Variants in SPACA1 observed in about 807,000 individuals in gnomAD.
SPACA1 encodes sperm acrosome membrane-associated protein 1.
Under a neutral mutation model 32.6 loss-of-function variants are expected in SPACA1, and 17 were observed. The observed-to-expected ratio is 0.52, with a 90% CI of 0.36 to 0.78. The LOEUF (loss-of-function observed/expected upper bound fraction) is 0.78, where lower values mean the gene tolerates loss of function less well. Ranked by LOEUF, SPACA1 falls within the 30% of genes least tolerant of loss-of-function variation. The probability of loss-of-function intolerance (pLI) is 0.01; values close to 1 mark genes in which losing one functional copy is unlikely to be tolerated. For missense variants in SPACA1, 363 were observed against 373.4 expected (o/e 0.97, Z 0.23); for synonymous variants, 140 against 138.1 (o/e 1.01, Z -0.10).
chr6:88,059,320 C>G (rs1408572479), intron 4 of SPACA1, 133 bp from the exon 5 acceptor site: 15 of 762,310 alleles, frequency 2.0e-5, no homozygotes, highest in Non-Finnish European at 2.8e-5. Flanking sequence ...GACTGAAAAT[C>G]CATGTAGATC....
intron 1 of SPACA1, among the ~76,000 whole-genome samples, chr6:88,051,876 C>T (rs1775732629): frequency 6.6e-6 from 1 of 152,240 alleles, no homozygotes; most frequent in Non-Finnish European, 1.5e-5. Context: ...ATAACAGCAT[C>T]TTTTTCCAGG....
In SPACA1 at chr6:88,059,500, G is replaced by A; in HGVS notation, c.522G>A (p.Lys174=). 1 of 1,612,822 alleles carries A rather than the reference G, an allele frequency of 6.2e-7. No individual in the cohort carries two copies. Among genetic ancestry groups the A allele is most frequent in the Non-Finnish European group, 8.5e-7 (1 of 1,179,438 alleles). ...VNDSAILEVR[K]ESHPLAFECD... is the part of the protein sequence containing the mutation. The stretch of plus-strand genomic sequence containing the variant: ...ATTCAGCAATCCTAGAAGTACGCAA[G>A]GAAAGTCACCCCTTGGCTTTCGAGT... Residue 174 remains lysine (K), a synonymous_variant, in exon 5 of 7, where the codon AAG becomes AAA. Coordinates refer to ENST00000237201, the MANE Select transcript of SPACA1 (RefSeq NM_030960.3).
At chr6:88,053,833 A>G in intron 1 of SPACA1, 113 bp from the exon 2 acceptor site, 1 of 783,218 alleles carries the variant, frequency 1.3e-6, no homozygotes, top group Non-Finnish European at 2.0e-6. Context: ...GGAAAACTTA[A>G]AAAATGTCTG....
rs1233073274 is a variant in SPACA1, at chr6:88,059,447, A to T, written c.475-6A>T. 3.8e-6 allele frequency: 6 copies of T among 1,586,658 alleles called. No individual in the cohort carries two copies. The Admixed American group carries it at 5.6e-5, about 15-fold the overall frequency. The stretch of plus-strand genomic sequence containing the variant: ...GATACTTTGTTATTTTTTTCTTTTT[A>T]AATAGCAATCCATTATACTTGTAAA... On this transcript the variant is annotated splice_polypyrimidine_tract_variant and splice_region_variant and intron_variant, in intron 4 of 6. Transcript: ENST00000237201.
At chr6:88,052,219 T>C (rs1007777974) in intron 1 of SPACA1, among the ~76,000 whole-genome samples, 1 of 152,146 alleles carries the variant, frequency 6.6e-6, no homozygotes, top group African/African-American at 2.4e-5. Context: ...TCTTATTTAG[T>C]CTCATTTTTT....
At position 88,060,721 on chromosome 6, in the gene SPACA1, A is replaced by G. The variant is rs141506753; in HGVS notation, c.610+1133A>G. 4.0e-3 allele frequency among the ~76,000 whole-genome samples: 616 copies of G among 152,320 alleles called. 4 individuals carry two copies. The highest frequency in any genetic ancestry group is 0.011 in the African/African-American group (440 of 41,578). ...AGAATAAAAACATCATTAAACTAAA[A>G]AATATCTCAACTAGCCCTCGTTCAT... On this transcript the variant is annotated intron_variant, in intron 5 of 6. Coordinates refer to ENST00000237201, the MANE Select transcript of SPACA1 (RefSeq NM_030960.3).
At position 88,066,518 on chromosome 6, in the gene SPACA1, T is replaced by C; in HGVS notation, c.*183T>C. The C allele has an allele frequency of 4.8e-6, 2 of 417,152 alleles. No individual in the cohort carries two copies. The highest frequency in any genetic ancestry group is 8.0e-6 in the Non-Finnish European group (2 of 250,734). The allele number at this position is 417,152 out of a possible 1,614,324, so 25.8% of individuals were successfully genotyped here. A position where few individuals can be genotyped will look rare whatever the true frequency, so the allele number is the denominator to read the frequency against. ...TTTTTCCAGTACAGTTATCAAATAT[T>C]ACTTTTAATTTGTTCTCAACACTTA... On this transcript the variant is annotated 3_prime_UTR_variant, in exon 7 of 7. Coordinates refer to ENST00000237201, the MANE Select transcript of SPACA1 (RefSeq NM_030960.3).
At chr6:88,049,777 A>C (rs901695648) in intron 1 of SPACA1, among the ~76,000 whole-genome samples, 1 of 152,174 alleles carries the variant, frequency 6.6e-6, no homozygotes, top group Non-Finnish European at 1.5e-5. Flanking sequence ...AACTGGGCAA[A>C]GTACTTTGAA....
At chr6:88,050,759 T>C (rs1404223897) in intron 1 of SPACA1, among the ~76,000 whole-genome samples, 1 of 152,254 alleles carries the variant, frequency 6.6e-6, no homozygotes, top group African/African-American at 2.4e-5. Context: ...TTTTTAAATT[T>C]TAGTCATTTA....
chr6:88,066,409 A>AT lies in SPACA1; in HGVS notation c.*76dup, dbSNP rs1775987595. The stretch of plus-strand genomic sequence containing the variant: ...TCATTATTACAAAAATAAAATACAC[A>AT]TTGAAATACTTTAATAATGTTGCGA... On this transcript the variant is annotated 3_prime_UTR_variant, in exon 7 of 7. Coordinates refer to ENST00000237201, the MANE Select transcript of SPACA1 (RefSeq NM_030960.3). 1.5e-6 allele frequency: 2 copies of AT among 1,350,832 alleles called. No homozygotes were observed. Among genetic ancestry groups the AT allele is most frequent in the African/African-American group, 2.9e-5 (2 of 67,820 alleles). The allele number at this position is 1,350,832 out of a possible 1,614,324, so 83.7% of individuals were successfully genotyped here.
In SPACA1 at chr6:88,059,516, G is replaced by C; in HGVS notation, c.538G>C (p.Ala180Pro). 1 of 1,613,266 alleles carries C rather than the reference G, an allele frequency of 6.2e-7. No individual in the cohort carries two copies. Among genetic ancestry groups the C allele is most frequent in the Non-Finnish European group, 8.5e-7 (1 of 1,179,536 alleles). Residue 180 changes from alanine (A) to proline (P), a missense_variant, in exon 5 of 7, where the codon GCT (alanine) becomes CCT (proline). Coordinates refer to ENST00000237201, the MANE Select transcript of SPACA1 (RefSeq NM_030960.3). Reference protein sequence around the residue: ...LEVRKESHPLAFECDTLDNNE... With the variant: ...LEVRKESHPLPFECDTLDNNE... ...AGTACGCAAGGAAAGTCACCCCTTGGCTTTCGAGTGTGACACACTGGATAA... is the reference window on the plus strand; with the variant it reads ...AGTACGCAAGGAAAGTCACCCCTTGCCTTTCGAGTGTGACACACTGGATAA...
At chr6:88,057,540 A>C (rs1208713303) in intron 2 of SPACA1, 72 bp from the exon 3 acceptor site, 2 of 971,570 alleles carry the variant, frequency 2.1e-6, no homozygotes, top group Admixed American at 3.7e-5. Context: ...GAAAAGACCT[A>C]GGTGGGAAAG....
intron 5 of SPACA1, 86 bp downstream of exon 5, chr6:88,059,674 T>G: frequency 7.8e-7 from 1 of 1,275,746 alleles, no homozygotes; most frequent in Non-Finnish European, 1.1e-6. Flanking sequence ...AAAACACCAG[T>G]CTCTAGCCCT....
chr6:88,054,225 A>ATT (rs11372759), intron 2 of SPACA1, among the ~76,000 whole-genome samples: 3,879 of 143,942 alleles, frequency 0.027, 101 homozygotes, highest in African/African-American at 0.073. Flanking sequence ...CCAGCTCCCT[A>ATT]TTTTTTTTTT....
intron 5 of SPACA1, 99 bp downstream of exon 5, chr6:88,059,687 C>A: frequency 8.3e-7 from 1 of 1,200,362 alleles, no homozygotes; most frequent in Non-Finnish European, 1.1e-6. Flanking sequence ...CTAGCCCTCC[C>A]CCCAGAGTTT....
intron 2 of SPACA1, among the ~76,000 whole-genome samples, chr6:88,055,378 A>G (rs1775791212): frequency 6.6e-6 from 1 of 152,248 alleles, no homozygotes; most frequent in South Asian, 2.1e-4. Flanking sequence ...GTTTAGTAAG[A>G]GCAGACACAT....
At chr6:88,061,183 G>T (rs909793421) in intron 5 of SPACA1, among the ~76,000 whole-genome samples, 2 of 152,118 alleles carry the variant, frequency 1.3e-5, no homozygotes, top group Non-Finnish European at 2.9e-5. Context: ...GGTAAATATG[G>T]TTTCCCTAGT....
At chr6:88,052,940 C>A (rs1045523212) in intron 1 of SPACA1, among the ~76,000 whole-genome samples, 1 of 152,124 alleles carries the variant, frequency 6.6e-6, no homozygotes, top group African/African-American at 2.4e-5. Context: ...GGGAAAAAAA[C>A]ATTAAATTAA....
intron 1 of SPACA1, among the ~76,000 whole-genome samples, chr6:88,049,554 G>A (rs1775697773): frequency 1.3e-5 from 2 of 152,098 alleles, no homozygotes; most frequent in African/African-American, 4.8e-5. Context: ...AATTTGCACT[G>A]TCCCCTTAAC....
Sources: allele counts gnomAD v4.1 joint callset (sites outside exome capture counted in the v4.1 genomes callset), GRCh38; gene constraint gnomAD v4.1.1; transcripts MANE v1.5; gene names NCBI Gene and HGNC (gene_info 2026-07-23, HGNC 2026-07-21).